Variants in CDKL5 observed in about 807,000 individuals in gnomAD.
CDKL5 encodes the protein cyclin dependent kinase like 5.
CDKL5 carries 8 observed loss-of-function variants against 61.7 expected under a neutral mutation model. That is an observed-to-expected ratio of 0.13 (90% CI 0.08 to 0.23). The LOEUF (loss-of-function observed/expected upper bound fraction) is 0.23. CDKL5 is among the 10% of genes least tolerant of loss of function. CDKL5 has a pLI of 1.00. For missense variants in CDKL5, 440 were observed against 734.5 expected, an observed-to-expected ratio of 0.60 and a Z score of 4.63; for synonymous variants, 275 against 272.3, an observed-to-expected ratio of 1.01 and a Z score of -0.10.
At chrX:18,567,811 G>T (rs957817263) in intron 4 of CDKL5, among the ~76,000 whole-genome samples, 1 of 111,598 alleles carries the variant, frequency 9.0e-6, no homozygotes, top group African/African-American at 3.3e-5. Flanking sequence ...CTTGAGCCCA[G>T]AAGGTTGAGG....
At chrX:18,574,480 C>T (rs994875209) in intron 4 of CDKL5, among the ~76,000 whole-genome samples, 2 of 111,123 alleles carry the variant, frequency 1.8e-5, no homozygotes, top group African/African-American at 3.3e-5. Context: ...TTAGGATTTC[C>T]CGGGTAAATC....
intron 3 of CDKL5, among the ~76,000 whole-genome samples, chrX:18,512,326 A>G (rs1922856632): frequency 1.8e-5 from 2 of 111,744 alleles, no homozygotes; most frequent in South Asian, 7.3e-4. Flanking sequence ...CAAAACATTT[A>G]AACTCTTGAA....
intron 1 of CDKL5, among the ~76,000 whole-genome samples, chrX:18,445,298 G>C (rs1265969333): frequency 9.1e-6 from 1 of 110,369 alleles, no homozygotes; most frequent in Non-Finnish European, 1.9e-5. Flanking sequence ...GGCTGGTCTC[G>C]GACTCCTGAC....
intron 14 of CDKL5, among the ~76,000 whole-genome samples, chrX:18,611,629 G>C (rs1000640418): frequency 1.8e-5 from 2 of 110,673 alleles, no homozygotes; most frequent in African/African-American, 6.6e-5. Context: ...TGCTAATGGA[G>C]ATTTAAGTTA....
At position 18,630,561 on chromosome X, in the gene CDKL5, GAT is replaced by G. The variant is rs1927204404; in HGVS notation, c.*1805_*1806del. On this transcript the variant is annotated 3_prime_UTR_variant, in exon 18 of 18. Coordinates refer to ENST00000623535, the MANE Select transcript of CDKL5 (RefSeq NM_001323289.2). Reference sequence around the variant, plus strand: ...GAATCATAGCTCTGATGATTATGAAGATTATAAAGACTAAGGTCCTAGTTTCC... The same window carrying G: ...GAATCATAGCTCTGATGATTATGAAGTATAAAGACTAAGGTCCTAGTTTCC... 2.0e-5 allele frequency: 15 copies of G among 751,722 alleles called. No individual in the cohort carries two copies. Among genetic ancestry groups the G allele is most frequent in the Non-Finnish European group, 2.2e-5 (14 of 637,928 alleles). The allele number at this position is 751,722 out of a possible 1,213,427, so 62.0% of individuals were successfully genotyped here.
chrX:18,544,854 C>T (rs1339027277), intron 3 of CDKL5, among the ~76,000 whole-genome samples: 1 of 112,057 alleles, frequency 8.9e-6, no homozygotes, highest in East Asian at 2.8e-4. Context: ...GTTACATTTA[C>T]AACTGTTTGG....
In CDKL5 at chrX:18,635,287, G is replaced by A. The variant is rs934147181; in HGVS notation, c.*6530G>A. ...TAAATATTACACAAATATCTATTCCGTGATAACCTTCATTATCAGCATGAA... is the reference window on the plus strand; with the variant it reads ...TAAATATTACACAAATATCTATTCCATGATAACCTTCATTATCAGCATGAA... On this transcript the variant is annotated 3_prime_UTR_variant, in exon 18 of 18. Coordinates refer to ENST00000623535, the MANE Select transcript of CDKL5 (RefSeq NM_001323289.2). 1.7e-5 allele frequency: 13 copies of A among 743,737 alleles called. No homozygotes were observed. Among genetic ancestry groups the A allele is most frequent in the Admixed American group, 1.8e-4 (2 of 11,199 alleles). 61.3% of individuals were successfully genotyped at this position (743,737 alleles called of 1,213,427 possible). A position where few individuals can be genotyped will look rare whatever the true frequency, so the allele number is the denominator to read the frequency against.
intron 1 of CDKL5, among the ~76,000 whole-genome samples, chrX:18,480,566 C>G (rs961765650): frequency 2.4e-4 from 27 of 111,351 alleles, no homozygotes; most frequent in Admixed American, 1.9e-4. Flanking sequence ...TATGTTCCAC[C>G]TTATTGAAGA....
intron 11 of CDKL5, among the ~76,000 whole-genome samples, chrX:18,601,069 C>G (rs1417148718): frequency 2.7e-5 from 3 of 111,860 alleles, no homozygotes; most frequent in Non-Finnish European, 5.6e-5. Context: ...TAGAGATGCT[C>G]ACAGCACCAT....
downstream of CDKL5, among the ~76,000 whole-genome samples, chrX:18,644,065 G>A (rs1217136671): frequency 9.0e-6 from 1 of 111,421 alleles, no homozygotes; most frequent in Admixed American, 9.6e-5. Flanking sequence ...TATATAAATG[G>A]ATGATTCTCT....
intron 3 of CDKL5, among the ~76,000 whole-genome samples, chrX:18,521,617 G>A (rs568650209): frequency 6.0e-4 from 67 of 112,229 alleles, no homozygotes; most frequent in South Asian, 1.8e-3. Flanking sequence ...GTTTATTTGC[G>A]TAGTGGATGA....
In CDKL5 at chrX:18,458,880, C is replaced by A. The variant is rs1932211348; in HGVS notation, c.-163+33185C>A. 2.7e-5 allele frequency among the ~76,000 whole-genome samples: 3 copies of A among 112,068 alleles called. No homozygotes were observed. The South Asian group carries it at 1.1e-3, about 41-fold the overall frequency. On this transcript the variant is annotated intron_variant, in intron 1 of 17. Coordinates refer to ENST00000623535, the MANE Select transcript of CDKL5 (RefSeq NM_001323289.2). ...GAGTGTTCTGTTAGGTAGCACTGGT[C>A]TAGAATGTGGTTCCACAGTTGTACC...
chrX:18,610,025 G>A (rs1197250571), intron 14 of CDKL5, among the ~76,000 whole-genome samples: 1 of 111,848 alleles, frequency 8.9e-6, no homozygotes, highest in East Asian at 2.8e-4. Context: ...AAGATATTAA[G>A]TGCTACAAGG....
At chrX:18,488,793 A>G (rs1214795578) in intron 1 of CDKL5, among the ~76,000 whole-genome samples, 1 of 111,707 alleles carries the variant, frequency 9.0e-6, no homozygotes, top group Non-Finnish European at 1.9e-5. Flanking sequence ...TCAGGCCATG[A>G]TAGGAAAGAC....
chrX:18,617,561 G>T (rs1001423354), intron 15 of CDKL5, among the ~76,000 whole-genome samples: 8 of 111,938 alleles, frequency 7.1e-5, no homozygotes, highest in African/African-American at 2.3e-4. Context: ...AAGTGCCTTT[G>T]TTCCAGCCAG....
intron 16 of CDKL5, chrX:18,623,957 C>A: frequency 1.3e-6 from 1 of 745,858 alleles, no homozygotes; most frequent in Non-Finnish European, 1.6e-6. Context: ...TCATTTAAAG[C>A]ATAGTTCTTC....
At chrX:18,536,922 T>G (rs1234103579) in intron 3 of CDKL5, among the ~76,000 whole-genome samples, 1 of 111,022 alleles carries the variant, frequency 9.0e-6, no homozygotes, top group African/African-American at 3.3e-5. Flanking sequence ...GTTTTAGTAT[T>G]AACATTTTTA....
chrX:18,574,467 T>A (rs73191523), intron 4 of CDKL5, among the ~76,000 whole-genome samples: 2,195 of 111,366 alleles, frequency 0.02, 27 homozygotes, highest in Middle Eastern at 0.085. Flanking sequence ...AAAAACATGG[T>A]AGTTAGGATT....
At chrX:18,565,320 A>G (rs890618374) in intron 4 of CDKL5, among the ~76,000 whole-genome samples, 5 of 112,016 alleles carry the variant, frequency 4.5e-5, no homozygotes, top group African/African-American at 1.3e-4. Flanking sequence ...CCGCACACAT[A>G]TGTAACACTA....
Sources: allele counts gnomAD v4.1 joint callset (sites outside exome capture counted in the v4.1 genomes callset), GRCh38; gene constraint gnomAD v4.1.1; transcripts MANE v1.5; gene names NCBI Gene and HGNC (gene_info 2026-07-23, HGNC 2026-07-21).